Variants in DOK6 observed in about 807,000 individuals in gnomAD.
DOK6 encodes the protein downstream of tyrosine kinase 6.
A neutral mutation model predicts 44.0 loss-of-function variants in DOK6; 22 were observed. The ratio of observed to expected loss-of-function variants is 0.50; its 90% CI spans 0.36 to 0.71. The LOEUF is 0.71. Ranked by LOEUF, DOK6 falls within the 30% of genes least tolerant of loss-of-function variation. The pLI is 0.00. For missense variants in DOK6, 340 were observed against 416.4 expected (o/e 0.82, Z 1.60); for synonymous variants, 166 against 145.5 (o/e 1.14, Z -1.01).
chr18:69,757,655 G>C lies in DOK6; in HGVS notation c.739-101G>C, dbSNP rs780953115. On this transcript the variant is annotated intron_variant, in intron 6 of 7. Coordinates refer to ENST00000382713, the MANE Select transcript of DOK6 (RefSeq NM_152721.6). Reference sequence around the variant, plus strand: ...GGGGATCATGCAGGTATCTATAGCAGATTCTATCTGTCACTCACATTTAAC... The same window carrying C: ...GGGGATCATGCAGGTATCTATAGCACATTCTATCTGTCACTCACATTTAAC... 6 of 935,474 alleles carry C rather than the reference G, an allele frequency of 6.4e-6. No individual in the cohort carries two copies. The Admixed American group carries it at 1.1e-4, about 17-fold the overall frequency. 57.9% of individuals were successfully genotyped at this position (935,474 alleles called of 1,614,324 possible). A position where few individuals can be genotyped will look rare whatever the true frequency, so the allele number is the denominator to read the frequency against.
intron 3 of DOK6, among the ~76,000 whole-genome samples, chr18:69,647,022 C>T (rs1985092012): frequency 8.0e-6 from 1 of 125,452 alleles, no homozygotes; most frequent in Non-Finnish European, 1.8e-5. Flanking sequence ...TACTCTATCT[C>T]ATCTATCCAT....
chr18:69,783,759 C>A (rs527449927), intron 7 of DOK6, among the ~76,000 whole-genome samples: 127 of 152,030 alleles, frequency 8.4e-4, no homozygotes, highest in African/African-American at 2.8e-3. Flanking sequence ...AATATGAAGG[C>A]CTATACTCAA....
chr18:69,416,149 G>A (rs1255656288), intron 1 of DOK6, among the ~76,000 whole-genome samples: 1 of 141,630 alleles, frequency 7.1e-6, no homozygotes, highest in African/African-American at 2.7e-5. Context: ...AGGGACGGAG[G>A]GAGGGAGGGA....
chr18:69,747,206 TTC>T (rs1190594130), intron 6 of DOK6, among the ~76,000 whole-genome samples: 1 of 152,232 alleles, frequency 6.6e-6, no homozygotes, highest in African/African-American at 2.4e-5. Context: ...GCTGAATTTC[TTC>T]TCTCTCAGTT....
At chr18:69,644,578 C>T (rs1262600109) in intron 3 of DOK6, among the ~76,000 whole-genome samples, 28 of 152,120 alleles carry the variant, frequency 1.8e-4, no homozygotes, top group Admixed American at 1.8e-3. Context: ...TTGTGTGGGT[C>T]TATTCTGGGT....
chr18:69,808,193 C>A (rs1981111473), intron 7 of DOK6, among the ~76,000 whole-genome samples: 1 of 151,652 alleles, frequency 6.6e-6, no homozygotes, highest in Non-Finnish European at 1.5e-5. Context: ...TTTTGAAAAA[C>A]AAATGGACCA....
intron 1 of DOK6, among the ~76,000 whole-genome samples, chr18:69,403,922 A>G (rs1428629892): frequency 1.3e-5 from 2 of 152,210 alleles, no homozygotes; most frequent in Non-Finnish European, 2.9e-5. Flanking sequence ...AACTTTTCCA[A>G]ATAACATATT....
intron 1 of DOK6, among the ~76,000 whole-genome samples, chr18:69,435,125 T>G (rs1978941417): frequency 6.6e-6 from 1 of 150,750 alleles, no homozygotes; most frequent in Admixed American, 6.6e-5. Context: ...GTGTAGGGGA[T>G]CCTGATCCAC....
chr18:69,767,025 G>A (rs58605659), intron 7 of DOK6, among the ~76,000 whole-genome samples: 2,992 of 152,132 alleles, frequency 0.02, 93 homozygotes, highest in African/African-American at 0.068. Flanking sequence ...CCTAGAGTTC[G>A]AGACCAGCCT....
intron 5 of DOK6, among the ~76,000 whole-genome samples, chr18:69,712,715 T>C (rs1378021345): frequency 6.6e-6 from 1 of 151,574 alleles, no homozygotes; most frequent in African/African-American, 2.4e-5. Flanking sequence ...GGAGTGGGGG[T>C]GTGCACCTGT....
In DOK6 at chr18:69,837,901, G is replaced by A. The variant is rs1045459969; in HGVS notation, c.857-3343G>A. On this transcript the variant is annotated intron_variant, in intron 7 of 7. Transcript: ENST00000382713. The stretch of plus-strand genomic sequence containing the variant: ...TGGCTTTCCTCTGTGACCCTGTATA[G>A]CACTGGCTGTATGGACTCTTGATTT... Among the ~76,000 whole-genome samples the A allele has an allele frequency of 3.3e-5, 5 of 152,144 alleles. No individual in the cohort carries two copies. The East Asian group carries it at 7.7e-4, about 23-fold the overall frequency.
chr18:69,544,642 C>T (rs1982354258), intron 1 of DOK6, among the ~76,000 whole-genome samples: 1 of 151,432 alleles, frequency 6.6e-6, no homozygotes, highest in Admixed American at 6.6e-5. Context: ...TTAGAACCTT[C>T]AGGAACTGGG....
intron 2 of DOK6, among the ~76,000 whole-genome samples, chr18:69,572,005 T>A (rs1222866661): frequency 6.6e-6 from 1 of 152,058 alleles, no homozygotes; most frequent in African/African-American, 2.4e-5. Flanking sequence ...CCTAATAAAT[T>A]GAAAAATATT....
At chr18:69,777,687 C>T (rs767672712) in intron 7 of DOK6, among the ~76,000 whole-genome samples, 2 of 150,956 alleles carry the variant, frequency 1.3e-5, no homozygotes, top group Non-Finnish European at 2.9e-5. Flanking sequence ...CACCTCTTCT[C>T]TCTCCTCAGC....
At chr18:69,521,199 G>C (rs1175834290) in intron 1 of DOK6, among the ~76,000 whole-genome samples, 1 of 151,814 alleles carries the variant, frequency 6.6e-6, no homozygotes. Context: ...TCTATGAATA[G>C]ATTATGGACC....
chr18:69,402,564 C>A (rs942363218), intron 1 of DOK6, among the ~76,000 whole-genome samples: 3 of 152,154 alleles, frequency 2.0e-5, no homozygotes, highest in African/African-American at 7.2e-5. Context: ...GACAGGAGGA[C>A]GGGAAAGGCA....
At chr18:69,455,095 G>A (rs1979591102) in intron 1 of DOK6, among the ~76,000 whole-genome samples, 1 of 147,080 alleles carries the variant, frequency 6.8e-6, no homozygotes, top group South Asian at 2.1e-4. Context: ...GAAAATAGCT[G>A]TGGAACATTT....
chr18:69,782,333 T>A (rs546106488), intron 7 of DOK6, among the ~76,000 whole-genome samples: 1 of 150,748 alleles, frequency 6.6e-6, no homozygotes, highest in Non-Finnish European at 1.5e-5. Flanking sequence ...TCCCTCAGCC[T>A]CCTGAGTAGC....
In DOK6 at chr18:69,847,105, C is replaced by T. The variant is rs1982361302; in HGVS notation, c.*5722C>T. ...AATACATTTGTAGTAGAAATATTCC[C>T]TCTAACAATTCTGTTTAACTAGTAA... On this transcript the variant is annotated 3_prime_UTR_variant, in exon 8 of 8. Coordinates refer to ENST00000382713, the MANE Select transcript of DOK6 (RefSeq NM_152721.6). The T allele has an allele frequency of 6.6e-6, 1 of 151,982 alleles. No individual in the cohort carries two copies. The highest frequency in any genetic ancestry group is 2.1e-4 in the South Asian group (1 of 4,820). 9.4% of individuals were successfully genotyped at this position (151,982 alleles called of 1,614,324 possible).
Sources: allele counts gnomAD v4.1 joint callset (sites outside exome capture counted in the v4.1 genomes callset), GRCh38; gene constraint gnomAD v4.1.1; transcripts MANE v1.5; gene names NCBI Gene and HGNC (gene_info 2026-07-23, HGNC 2026-07-21).